Variants in TNKS2 observed in about 807,000 individuals in gnomAD.
TNKS2 encodes tankyrase 2, also known as poly [ADP-ribose] polymerase tankyrase-2.
Under a neutral mutation model 137.6 loss-of-function variants are expected in TNKS2, and 72 were observed. The observed-to-expected ratio is 0.52, with a 90% CI of 0.43 to 0.64. TNKS2 has a LOEUF of 0.64. TNKS2 is among the 30% of genes least tolerant of loss of function. The pLI, the probability that TNKS2 is intolerant of heterozygous loss-of-function variation, is 0.00. For missense variants in TNKS2, 1,049 were observed against 1,410.2 expected (o/e 0.74, Z 4.10); for synonymous variants, 516 against 512.1 (o/e 1.01, Z -0.10).
At chr10:91,851,183 A>G in intron 20 of TNKS2, 33 bp from the exon 21 acceptor site, 1 of 1,608,946 alleles carries the variant, frequency 6.2e-7, no homozygotes, top group African/African-American at 1.3e-5. Context: ...CAAATAAGTA[A>G]GCATTCTAAG....
intron 2 of TNKS2, among the ~76,000 whole-genome samples, chr10:91,816,810 A>G (rs776620898): frequency 7.9e-5 from 12 of 152,142 alleles, no homozygotes; most frequent in African/African-American, 1.4e-4. Context: ...GGAATGAGAA[A>G]ACAAGCTTTT....
chr10:91,840,892 T>C (rs1197650386), intron 14 of TNKS2, among the ~76,000 whole-genome samples, 186 bp downstream of exon 14: 1 of 152,212 alleles, frequency 6.6e-6, no homozygotes, highest in Non-Finnish European at 1.5e-5. Context: ...AAAGACTTTA[T>C]TGGCATAATG....
chr10:91,850,607 T>C (rs1842513151), intron 20 of TNKS2, among the ~76,000 whole-genome samples: 1 of 151,318 alleles, frequency 6.6e-6, no homozygotes, highest in Non-Finnish European at 1.5e-5. Flanking sequence ...TAATCCCAGC[T>C]ACTCAGGAGG....
chr10:91,855,829 A>G (rs1271684139), intron 23 of TNKS2, 141 bp downstream of exon 23: 1 of 562,476 alleles, frequency 1.8e-6, no homozygotes, highest in African/African-American at 2.0e-5. Context: ...GAAAGAGGAT[A>G]CCCTTGGAAG....
chr10:91,831,355 A>G (rs1416887254), intron 11 of TNKS2, among the ~76,000 whole-genome samples, 174 bp downstream of exon 11: 1 of 152,140 alleles, frequency 6.6e-6, no homozygotes. Context: ...AATTTTTGCT[A>G]GAACATCTAT....
At position 91,825,491 on chromosome 10, in the gene TNKS2, A is replaced by G. The variant is rs141658766; in HGVS notation, c.796-1526A>G. 4.1e-4 allele frequency among the ~76,000 whole-genome samples: 63 copies of G among 152,332 alleles called. No homozygotes were observed. In the East Asian group the frequency reaches 9.8e-3, roughly 24 times the overall value. ...AAGTGGAAACCATCTGATATGAAAG[A>G]TGAGTGCCCTTTATGATGTCTTTTG... On this transcript the variant is annotated intron_variant, in intron 7 of 26. Transcript: ENST00000371627.
In TNKS2 at chr10:91,811,743, C is replaced by T. The variant is rs182448746; in HGVS notation, c.200-1240C>T. On this transcript the variant is annotated intron_variant, in intron 1 of 26. Transcript: ENST00000371627. ...ATTGCTGGTCATCTTGGAAGAACTA[C>T]AGTCAGACTTGGTGGCTTTAAGAAT... 3.9e-3 allele frequency among the ~76,000 whole-genome samples: 591 copies of T among 152,092 alleles called. 6 individuals are homozygous for T. The highest frequency in any genetic ancestry group is 0.014 in the African/African-American group (564 of 41,530).
intron 1 of TNKS2, among the ~76,000 whole-genome samples, chr10:91,811,501 T>TA (rs1442466182): frequency 6.6e-6 from 1 of 152,090 alleles, no homozygotes; most frequent in Non-Finnish European, 1.5e-5. Context: ...TATTGAAATT[T>TA]AAAATCTTCA....
intron 1 of TNKS2, among the ~76,000 whole-genome samples, chr10:91,806,056 T>G (rs1283424697): frequency 1.3e-5 from 2 of 150,802 alleles, no homozygotes; most frequent in Non-Finnish European, 3.0e-5. Context: ...TTTTTTTTTT[T>G]TTTTTTATAT....
intron 1 of TNKS2, among the ~76,000 whole-genome samples, chr10:91,806,953 A>T (rs188472434): frequency 6.6e-6 from 1 of 152,254 alleles, no homozygotes; most frequent in African/African-American, 2.4e-5. Flanking sequence ...TCTAAGACAG[A>T]TGCATTTCTT....
intron 26 of TNKS2, among the ~76,000 whole-genome samples, chr10:91,862,649 G>C (rs192905867): frequency 1.8e-4 from 28 of 152,240 alleles, no homozygotes; most frequent in African/African-American, 6.7e-4. Context: ...TTCTAGAGCA[G>C]TGTTGTGAAC....
At chr10:91,832,214 GTC>G (rs1435066211) in intron 11 of TNKS2, among the ~76,000 whole-genome samples, 1 of 151,998 alleles carries the variant, frequency 6.6e-6, no homozygotes, top group Non-Finnish European at 1.5e-5. Flanking sequence ...GGCATATCTT[GTC>G]TCTCTGTTCT....
At chr10:91,816,966 A>G (rs1463764429) in intron 2 of TNKS2, among the ~76,000 whole-genome samples, 168 bp from the exon 3 acceptor site, 2 of 152,218 alleles carry the variant, frequency 1.3e-5, no homozygotes, top group Admixed American at 1.3e-4. Flanking sequence ...AGAATACTTT[A>G]TGTATTATTT....
At chr10:91,831,396 C>T (rs1334374292) in intron 11 of TNKS2, among the ~76,000 whole-genome samples, 2 of 152,012 alleles carry the variant, frequency 1.3e-5, no homozygotes, top group Admixed American at 6.6e-5. Flanking sequence ...TCCTGTATGT[C>T]CTCCCTCCTC....
At chr10:91,852,114 GCTAT>G (rs1842555260) in intron 21 of TNKS2, among the ~76,000 whole-genome samples, 1 of 149,598 alleles carries the variant, frequency 6.7e-6, no homozygotes, top group Non-Finnish European at 1.5e-5. Context: ...TGTAGTCCCA[GCTAT>G]TCAGGAGGCT....
chr10:91,803,163 C>T (rs902090106), intron 1 of TNKS2, among the ~76,000 whole-genome samples: 2 of 152,172 alleles, frequency 1.3e-5, no homozygotes, highest in African/African-American at 4.8e-5. Context: ...TTGTATTCTT[C>T]GTTCTTAAGA....
chr10:91,822,208 A>C, intron 6 of TNKS2, 88 bp from the exon 7 acceptor site: 1 of 996,094 alleles, frequency 1.0e-6, no homozygotes, highest in Non-Finnish European at 1.5e-6. Context: ...ATTTAAGTAT[A>C]AGTAATTAAA....
At chr10:91,817,950 A>C (rs1275091461) in intron 3 of TNKS2, among the ~76,000 whole-genome samples, 1 of 152,214 alleles carries the variant, frequency 6.6e-6, no homozygotes, top group Non-Finnish European at 1.5e-5. Flanking sequence ...ACCTAATCTA[A>C]AGTCAAGAGC....
At chr10:91,843,799 G>A (rs560670902) in intron 16 of TNKS2, among the ~76,000 whole-genome samples, 31 of 152,242 alleles carry the variant, frequency 2.0e-4, no homozygotes, top group African/African-American at 5.3e-4. Flanking sequence ...CTGCCATTTC[G>A]TGTAATGTGG....
Sources: gnomAD v4.1 joint callset for allele counts (sites outside exome capture counted in the v4.1 genomes callset) on GRCh38, gnomAD v4.1.1 for gene constraint, MANE v1.5 for transcripts, NCBI Gene and HGNC (gene_info 2026-07-23, HGNC 2026-07-21) for gene names.